Variants in SLA2 observed in about 807,000 individuals in gnomAD.
SLA2 encodes the protein Src like adaptor 2.
SLA2 carries 22 observed loss-of-function variants against 27.3 expected under a neutral mutation model. The ratio of observed to expected loss-of-function variants is 0.81; its 90% CI spans 0.58 to 1.15. The LOEUF (loss-of-function observed/expected upper bound fraction) is 1.15. SLA2 is among the 50% of genes most tolerant of loss of function. The pLI, the probability that SLA2 is intolerant of heterozygous loss-of-function variation, is 0.00. For missense variants in SLA2, 304 were observed against 322.2 expected, an observed-to-expected ratio of 0.94 and a Z score of 0.43; for synonymous variants, 131 against 137.8, an observed-to-expected ratio of 0.95 and a Z score of 0.34.
Position 36,613,829 on chromosome 20 carries a change from T to C in SLA2, c.*37A>G. ...GGAGGCTGAATTGGGGTTCTAGGTG[T>C]GCAGCCTTGGTTTCCCTTTTGGCCT... On this transcript the variant is annotated 3_prime_UTR_variant, in exon 8 of 8. Coordinates refer to ENST00000262866, the MANE Select transcript of SLA2 (RefSeq NM_032214.4). 1 of 1,396,902 alleles carries C rather than the reference T, an allele frequency of 7.2e-7. No homozygotes were observed. Among genetic ancestry groups the C allele is most frequent in the Non-Finnish European group, 9.6e-7 (1 of 1,044,494 alleles). 86.5% of individuals were successfully genotyped at this position (1,396,902 alleles called of 1,614,324 possible).
At chr20:36,643,108 C>G (rs1978284984) in intron 1 of SLA2, among the ~76,000 whole-genome samples, 1 of 152,186 alleles carries the variant, frequency 6.6e-6, no homozygotes, top group South Asian at 2.1e-4. Flanking sequence ...TTTTGTTTGC[C>G]TATTACTCAG....
intron 5 of SLA2, among the ~76,000 whole-genome samples, chr20:36,625,208 G>A (rs181793214): frequency 1.4e-5 from 2 of 138,708 alleles, no homozygotes; most frequent in East Asian, 2.1e-4. Context: ...ATCAGACCAC[G>A]TACCCTGATT....
intron 5 of SLA2, among the ~76,000 whole-genome samples, chr20:36,623,887 G>C (rs961532727): frequency 2.6e-5 from 4 of 152,118 alleles, no homozygotes; most frequent in Non-Finnish European, 2.9e-5. Flanking sequence ...TTTGAAAATA[G>C]GCCCAGAAGG....
At chr20:36,618,278 A>G (rs931169430) in intron 5 of SLA2, among the ~76,000 whole-genome samples, 1 of 152,074 alleles carries the variant, frequency 6.6e-6, no homozygotes, top group African/African-American at 2.4e-5. Flanking sequence ...ATAGAATTCA[A>G]AAGACTGGAG....
intron 5 of SLA2, among the ~76,000 whole-genome samples, chr20:36,622,085 C>T (rs1254103018): frequency 2.0e-5 from 3 of 151,768 alleles, no homozygotes; most frequent in Non-Finnish European, 4.4e-5. Context: ...TTTGGGAAGC[C>T]GAGGCAGGTG....
At chr20:36,645,190 C>T (rs1359612259) in intron 1 of SLA2, among the ~76,000 whole-genome samples, 3 of 146,950 alleles carry the variant, frequency 2.0e-5, no homozygotes, top group Non-Finnish European at 4.5e-5. Context: ...CCCACCACCG[C>T]CTGCCATCTC....
rs370688407 is a variant in SLA2, at chr20:36,632,590, C to T, written c.382+5G>A. ...AGGGCCTGGGCTGGCACCGAGCTTACTCACCTCTCCTGGTCTGGCTCTCCC... is the reference window on the plus strand; with the variant it reads ...AGGGCCTGGGCTGGCACCGAGCTTATTCACCTCTCCTGGTCTGGCTCTCCC... On this transcript the variant is annotated splice_donor_5th_base_variant and intron_variant, in intron 5 of 7. Transcript: ENST00000262866. 19 of 1,612,536 alleles carry T rather than the reference C, an allele frequency of 1.2e-5. No individual in the cohort carries two copies. In the African/African-American group the frequency reaches 1.6e-4, roughly 14 times the overall value.
intron 7 of SLA2, 115 bp from the exon 8 acceptor site, chr20:36,614,101 GCTCCC>G: frequency 6.7e-7 from 1 of 1,498,962 alleles, no homozygotes; most frequent in Non-Finnish European, 9.1e-7. Flanking sequence ...ACCTCATGGG[GCTCCC>G]CTGTTCCCTA....
chr20:36,613,273 C>A lies in SLA2; in HGVS notation c.*593G>T. The A allele has an allele frequency of 6.6e-6, 1 of 152,466 alleles. No homozygotes were observed. Among genetic ancestry groups the A allele is most frequent in the Non-Finnish European group, 1.5e-5 (1 of 68,210 alleles). 9.4% of individuals were successfully genotyped at this position (152,466 alleles called of 1,614,324 possible). On this transcript the variant is annotated 3_prime_UTR_variant, in exon 8 of 8. Coordinates refer to ENST00000262866, the MANE Select transcript of SLA2 (RefSeq NM_032214.4). ...GTCCTCAATGGGGGACATTTGAGGA[C>A]CTAGACTGTCCGAAGTCTTTCTCTT...
At chr20:36,632,423 G>C (rs1406603268) in intron 5 of SLA2, among the ~76,000 whole-genome samples, 172 bp downstream of exon 5, 1 of 152,176 alleles carries the variant, frequency 6.6e-6, no homozygotes, top group Non-Finnish European at 1.5e-5. Context: ...CCCAGCCTGG[G>C]CTCCACATGG....
intron 4 of SLA2, 81 bp downstream of exon 4, chr20:36,633,462 G>A (rs781539863): frequency 3.2e-5 from 40 of 1,232,016 alleles, no homozygotes; most frequent in African/African-American, 1.9e-4. Flanking sequence ...TTTGCTCAGC[G>A]CAGAGCCGTG....
At chr20:36,614,028 TC>T (rs748007697) in intron 7 of SLA2, 42 bp from the exon 8 acceptor site, 1 of 1,609,560 alleles carries the variant, frequency 6.2e-7, no homozygotes, top group Non-Finnish European at 8.5e-7. Context: ...AGCCTCTTCC[TC>T]CTCCCTGTAC....
At position 36,618,906 on chromosome 20, in the gene SLA2, CAAAAAAAAAAAAA is replaced by C. The variant is rs35436767; in HGVS notation, c.383-3545_383-3533del. ...TAGGGAACAAGAGTGAACTCCATCT[CAAAAAAAAAAAAA>C]AAAAAAAAAAAAAAAGTATCTAGAA... On this transcript the variant is annotated intron_variant, in intron 5 of 7. Coordinates refer to ENST00000262866, the MANE Select transcript of SLA2 (RefSeq NM_032214.4). Among the ~76,000 whole-genome samples, 20 of 40,348 alleles carry C rather than the reference CAAAAAAAAAAAAA, an allele frequency of 5.0e-4. 1 individual carries two copies. The highest frequency in any genetic ancestry group is 7.4e-4 in the African/African-American group (7 of 9,478). The allele number at this position is 40,348 out of a possible 152,430, so 26.5% of individuals were successfully genotyped here.
chr20:36,632,539 C>T (rs1269435184), intron 5 of SLA2, 56 bp downstream of exon 5: 2 of 1,377,380 alleles, frequency 1.5e-6, no homozygotes, highest in Non-Finnish European at 2.1e-6. Context: ...TATCTGTGGG[C>T]TCCTTTCTGA....
chr20:36,645,008 T>C (rs1364366753), intron 1 of SLA2, among the ~76,000 whole-genome samples: 3 of 151,918 alleles, frequency 2.0e-5, no homozygotes, highest in Non-Finnish European at 4.4e-5. Context: ...ATGTGTATTT[T>C]GTGCTTCTGA....
rs1162418831 is a variant in SLA2 at position 36,613,659 on chromosome 20, G to A, written c.*207C>T. ...CTTCTCTGCACTCGCACTAGAGGTC[G>A]CAGGTGGGATCATGGCACTGGAAGG... is the stretch of plus-strand genomic sequence containing the variant. On this transcript the variant is annotated 3_prime_UTR_variant, in exon 8 of 8. Coordinates refer to ENST00000262866, the MANE Select transcript of SLA2 (RefSeq NM_032214.4). 3.3e-5 allele frequency: 18 copies of A among 540,468 alleles called. No homozygotes were observed. The highest frequency in any genetic ancestry group is 4.9e-4 in the Middle Eastern group (1 of 2,024). 33.5% of individuals were successfully genotyped at this position (540,468 alleles called of 1,614,324 possible). A position where few individuals can be genotyped will look rare whatever the true frequency, so the allele number is the denominator to read the frequency against.
intron 5 of SLA2, among the ~76,000 whole-genome samples, chr20:36,619,215 TG>T (rs754928522): frequency 3.6e-5 from 3 of 83,294 alleles, no homozygotes; most frequent in East Asian, 6.7e-4. Context: ...AGTGAGACTC[TG>T]GGGGAAAAAA....
At chr20:36,618,194 T>C (rs1180636665) in intron 5 of SLA2, among the ~76,000 whole-genome samples, 2 of 151,058 alleles carry the variant, frequency 1.3e-5, no homozygotes, top group African/African-American at 4.9e-5. Flanking sequence ...AAAAGATATA[T>C]CATGCAGACA....
chr20:36,612,331 G>C lies in SLA2; in HGVS notation c.*1535C>G, dbSNP rs1250846226. On this transcript the variant is annotated 3_prime_UTR_variant, in exon 8 of 8. Coordinates refer to ENST00000262866, the MANE Select transcript of SLA2 (RefSeq NM_032214.4). ...TAACAGCTATTATTTGCCAAGTGGA[G>C]CTGTCATTTAATTTGATGCACCTCT... The C allele has an allele frequency of 9.7e-7, 1 of 1,033,602 alleles. No homozygotes were observed. Among genetic ancestry groups the C allele is most frequent in the Admixed American group, 1.9e-5 (1 of 52,188 alleles). The allele number at this position is 1,033,602 out of a possible 1,614,324, so 64.0% of individuals were successfully genotyped here.
Sources: allele counts gnomAD v4.1 joint callset (sites outside exome capture counted in the v4.1 genomes callset), GRCh38; gene constraint gnomAD v4.1.1; transcripts MANE v1.5; gene names NCBI Gene and HGNC (gene_info 2026-07-23, HGNC 2026-07-21).